The following INTS5 variants were observed in gnomAD, a reference collection of about 807,000 sequenced individuals.
INTS5 encodes KIAA1698.
Under a neutral mutation model 60.0 loss-of-function variants are expected in INTS5, and 29 were observed. The observed-to-expected ratio is 0.48, with a 90% confidence interval of 0.36 to 0.66. The LOEUF is 0.66. INTS5 is among the 30% of genes least tolerant of loss of function. The probability of loss-of-function intolerance (pLI) is 0.00; values close to 1 mark genes in which losing one functional copy is unlikely to be tolerated. For missense variants in INTS5, 1,129 were observed against 1,307.9 expected (o/e 0.86, Z 2.11); for synonymous variants, 588 against 558.8 (o/e 1.05, Z -0.74).
At chr11:62,651,255 C>T (rs940977158) in intron 1 of INTS5, among the ~76,000 whole-genome samples, 3 of 152,050 alleles carry the variant, frequency 2.0e-5, no homozygotes, top group African/African-American at 4.8e-5. Flanking sequence ...GGACTACAGG[C>T]GCCCGCCACC....
In INTS5 at chr11:62,647,042, G is replaced by C; in HGVS notation, c.3038C>G (p.Thr1013Ser). Residue 1013 changes from threonine to serine, a missense_variant, in exon 2 of 2, where the codon ACT becomes AGT. By Grantham distance (58) the Thr-to-Ser change is moderately conservative. Coordinates refer to ENST00000330574, the MANE Select transcript of INTS5 (RefSeq NM_030628.2). Reference protein sequence around the residue: ...SGRFQAPSPSTLLRQGT With the variant: ...SGRFQAPSPSSLLRQGT ...AGGCTACGTCCCCTGTCGAAGGAGA[G>C]TGGACGGTGAAGGTGCCTGGAAACG... 1 of 1,612,812 alleles carries C rather than the reference G, an allele frequency of 6.2e-7. No homozygotes were observed. The highest frequency in any genetic ancestry group is 8.5e-7 in the Non-Finnish European group (1 of 1,178,970).
In INTS5 at chr11:62,647,407, G is replaced by A; in HGVS notation, c.2673C>T (p.Ala891=). 6.2e-7 allele frequency: 1 copy of A among 1,611,746 alleles called. No homozygotes were observed. The highest frequency in any genetic ancestry group is 1.1e-5 in the South Asian group (1 of 90,982). The change falls in exon 2 of 2, where the codon GCC becomes GCT. Residue 891 remains alanine, a synonymous_variant. Coordinates refer to ENST00000330574, the MANE Select transcript of INTS5 (RefSeq NM_030628.2). ...LLAALLGHWE[A]SRHPDTTHSP... ...AGTGGGTCGTGTCAGGGTGGCGAGAGGCTTCCCAATGGCCCAAGAGGGCGG... is the reference window on the plus strand; with the variant it reads ...AGTGGGTCGTGTCAGGGTGGCGAGAAGCTTCCCAATGGCCCAAGAGGGCGG...
chr11:62,650,855 A>G (rs974856103), intron 1 of INTS5, among the ~76,000 whole-genome samples: 1 of 151,498 alleles, frequency 6.6e-6, no homozygotes, highest in Admixed American at 6.6e-5. Context: ...CTTCAAGCAC[A>G]TGCCACGACA....
chr11:62,649,265 GA>G lies in INTS5; in HGVS notation c.814del (p.Ser272LeufsTer24), dbSNP rs1565120101. 1 of 1,614,136 alleles carries G rather than the reference GA, an allele frequency of 6.2e-7. No individual in the cohort carries two copies. The highest frequency in any genetic ancestry group is 8.5e-7 in the Non-Finnish European group (1 of 1,180,014). ...AGGAGATCCAGGGAAGGGGTCTGTA[GA>G]GGGGGTCTGAGAAGAGCTTCCACCA... is the stretch of plus-strand genomic sequence containing the variant. ...SSGGSSSQTP[S>X]TDPFPGSPAI... On this transcript the variant is annotated frameshift_variant, in exon 2 of 2. Coordinates refer to ENST00000330574, the MANE Select transcript of INTS5 (RefSeq NM_030628.2). LOFTEE classifies it high-confidence loss of function. The surrounding 1 kb of genome is among the most constrained non-coding windows in gnomAD (Gnocchi z 6.0).
chr11:62,647,362 T>C lies in INTS5; in HGVS notation c.2718A>G (p.Ala906=). 4 of 1,613,604 alleles carry C rather than the reference T, an allele frequency of 2.5e-6. No homozygotes were observed. The highest frequency in any genetic ancestry group is 3.4e-6 in the Non-Finnish European group (4 of 1,179,884). The change falls in exon 2 of 2, where the codon GCA becomes GCG. Residue 906 remains alanine, a synonymous_variant. Transcript: ENST00000330574. ...DTTHSPWHLE[A]SCTLVAVMAE... ...CCATGACAGCCACTAAGGTGCAGGA[T>C]GCCTCCAGGTGCCAGGGGGAGTGGG... is the stretch of plus-strand genomic sequence containing the variant.
rs1025622977 is a variant in INTS5, at chr11:62,648,080, A to G, written c.2000T>C (p.Val667Ala). 6.2e-7 allele frequency: 1 copy of G among 1,614,026 alleles called. No individual in the cohort carries two copies. Among genetic ancestry groups the G allele is most frequent in the African/African-American group, 1.3e-5 (1 of 74,954 alleles). Reference sequence around the variant, plus strand: ...GGTGAGAAGCTGACAGGCTGAGGCCACACCTGGGGGTCCATGCAGCCTCAG... The same window carrying G: ...GGTGAGAAGCTGACAGGCTGAGGCCGCACCTGGGGGTCCATGCAGCCTCAG... ...ASLRLHGPPG[V>A]ASACQLLTRL... The change falls in exon 2 of 2, where the codon GTG becomes GCG. Residue 667 changes from valine (V) to alanine (A), a missense_variant. By Grantham distance (64) the Val-to-Ala change is moderately conservative (BLOSUM62 0). Around this residue, in one of 3 missense-constraint regions of INTS5, gnomAD observed 1,070 missense variants for 1,246.1 expected, o/e 0.86. Transcript: ENST00000330574. The surrounding 1 kb of genome is among the most constrained non-coding windows in gnomAD (Gnocchi z 4.4).
chr11:62,647,512 C>T lies in INTS5; in HGVS notation c.2568G>A (p.Leu856=). Residue 856 remains leucine (L), a synonymous_variant, in exon 2 of 2, where the codon CTG becomes CTA. Transcript: ENST00000330574. The part of the protein sequence containing the change: ...RIGRRFREQP[L]LFELLKLVAA... ...CTACCAGCTTTAACAGCTCAAAGAGCAGGGGCTGTTCGCGGAAGCGCCGGC... is the reference window on the plus strand; with the variant it reads ...CTACCAGCTTTAACAGCTCAAAGAGTAGGGGCTGTTCGCGGAAGCGCCGGC... 1 of 1,610,736 alleles carries T rather than the reference C, an allele frequency of 6.2e-7. No homozygotes were observed. The highest frequency in any genetic ancestry group is 8.5e-7 in the Non-Finnish European group (1 of 1,178,308).
In INTS5 at chr11:62,648,995, C is replaced by T; in HGVS notation, c.1085G>A (p.Cys362Tyr). 2 of 1,613,392 alleles carry T rather than the reference C, an allele frequency of 1.2e-6. No individual in the cohort carries two copies. Among genetic ancestry groups the T allele is most frequent in the Non-Finnish European group, 1.7e-6 (2 of 1,179,752 alleles). Residue 362 changes from cysteine (C) to tyrosine (Y), a missense_variant, in exon 2 of 2, where the codon TGC becomes TAC. Transcript: ENST00000330574. This position sits in a 1 kb window ranked among gnomAD's most constrained non-coding sequence, Gnocchi z 4.4. ...GCTCAGCACAGCTGGGGGCTTGAGG[C>T]AATCCACAAGCTCTCCAGAGACAGT... ...LGTVSGELVDCLKPPAVLSQL... is the reference protein window; with the variant it reads ...LGTVSGELVDYLKPPAVLSQL...
At position 62,646,927 on chromosome 11, in the gene INTS5, G is replaced by A; in HGVS notation, c.*93C>T. 1 of 1,086,238 alleles carries A rather than the reference G, an allele frequency of 9.2e-7. No homozygotes were observed. The highest frequency in any genetic ancestry group is 1.3e-6 in the Non-Finnish European group (1 of 745,948). 67.3% of individuals were successfully genotyped at this position (1,086,238 alleles called of 1,614,324 possible). ...AAGTGACAGCGCTCTTTAGACCAAG[G>A]ACTTAGAAGAGAAACCTCCACCCTT... On this transcript the variant is annotated 3_prime_UTR_variant, in exon 2 of 2. Transcript: ENST00000330574.
rs778139832 is a variant in INTS5, at chr11:62,649,064, G to A, written c.1016C>T (p.Pro339Leu). ...CATGACTGCCAGCTGCAGTAGGAAC[G>A]GAACCGTGGCCTGAAGGGAGGGGTC... Reference protein sequence around the residue: ...SGDPSLQATVPFLLQLAVMSP... With the variant: ...SGDPSLQATVLFLLQLAVMSP... Residue 339 changes from proline (P) to leucine (L), a missense_variant, in exon 2 of 2, where the codon CCG becomes CTG. Transcript: ENST00000330574. The surrounding 1 kb of genome is among the most constrained non-coding windows in gnomAD (Gnocchi z 6.0). 6.2e-6 allele frequency: 10 copies of A among 1,611,520 alleles called. No homozygotes were observed. The highest frequency in any genetic ancestry group is 1.1e-5 in the South Asian group (1 of 90,936).
chr11:62,649,054 C>A lies in INTS5; in HGVS notation c.1026G>T (p.Leu342=), dbSNP rs201998496. 1 of 1,611,946 alleles carries A rather than the reference C, an allele frequency of 6.2e-7. No individual in the cohort carries two copies. Among genetic ancestry groups the A allele is most frequent in the East Asian group, 2.2e-5 (1 of 44,814 alleles). Residue 342 remains leucine (L), a synonymous_variant, in exon 2 of 2, where the codon CTG becomes CTT. Coordinates refer to ENST00000330574, the MANE Select transcript of INTS5 (RefSeq NM_030628.2). The surrounding 1 kb of genome is among the most constrained non-coding windows in gnomAD (Gnocchi z 6.0). ...PSLQATVPFL[L]QLAVMSPALL... Reference sequence around the variant, plus strand: ...AAGCTGGTGACATGACTGCCAGCTGCAGTAGGAACGGAACCGTGGCCTGAA... The same window carrying A: ...AAGCTGGTGACATGACTGCCAGCTGAAGTAGGAACGGAACCGTGGCCTGAA...
At position 62,649,291 on chromosome 11, in the gene INTS5, A is replaced by G. The variant is rs767903894; in HGVS notation, c.789T>C (p.Ser263=). Reference sequence around the variant, plus strand: ...AGGGGGTCTGAGAAGAGCTTCCACCACTACTGCCAGCTCCACCTCCAGCCC... The same window carrying G: ...AGGGGGTCTGAGAAGAGCTTCCACCGCTACTGCCAGCTCCACCTCCAGCCC... ...HGGAGGGAGS[S]GGSSSQTPST... is the part of the protein sequence containing the mutation. Residue 263 remains serine, a synonymous_variant, in exon 2 of 2, where the codon AGT becomes AGC. Transcript: ENST00000330574. The surrounding 1 kb of genome is among the most constrained non-coding windows in gnomAD (Gnocchi z 6.0). The G allele has an allele frequency of 5.0e-6, 8 of 1,614,044 alleles. No individual in the cohort carries two copies. In the Admixed American group the frequency reaches 1.2e-4, roughly 24 times the overall value.
chr11:62,647,551 C>A lies in INTS5; in HGVS notation c.2529G>T (p.Arg843=), dbSNP rs1177951272. 1.2e-6 allele frequency: 2 copies of A among 1,613,656 alleles called. No individual in the cohort carries two copies. The highest frequency in any genetic ancestry group is 1.7e-6 in the Non-Finnish European group (2 of 1,179,936). ...GGAAGCGCCGGCCAATGCGGAGATC[C>A]CGCTCCACGGTGGCCCGGGCGTGTT... The part of the protein sequence containing the change: ...PEEHARATVE[R]DLRIGRRFRE... Residue 843 remains arginine, a synonymous_variant, in exon 2 of 2, where the codon CGG becomes CGT. Coordinates refer to ENST00000330574, the MANE Select transcript of INTS5 (RefSeq NM_030628.2).
rs2134582222 is a variant in INTS5 at position 62,649,928 on chromosome 11, G to A, written c.152C>T (p.Ser51Leu). Residue 51 changes from serine (S) to leucine (L), a missense_variant, in exon 2 of 2, where the codon TCA (serine) becomes TTA (leucine). Transcript: ENST00000330574. This position sits in a 1 kb window ranked among gnomAD's most constrained non-coding sequence, Gnocchi z 6.0. ...ACCACAGCGAGCATGTTCCCGGGCT[G>A]AGAGTTGGTGGCCCAGAATGGGGTC... ...GVDPILGHQL[S>L]AREHARCGLL... 2 of 1,614,182 alleles carry A rather than the reference G, an allele frequency of 1.2e-6. No homozygotes were observed. Among genetic ancestry groups the A allele is most frequent in the South Asian group, 1.1e-5 (1 of 91,088 alleles).
In INTS5 at chr11:62,646,879, A is replaced by G. The variant is rs1306128034; in HGVS notation, c.*141T>C. 4 of 750,616 alleles carry G rather than the reference A, an allele frequency of 5.3e-6. No homozygotes were observed. Among genetic ancestry groups the G allele is most frequent in the Non-Finnish European group, 8.4e-6 (4 of 477,626 alleles). The allele number at this position is 750,616 out of a possible 1,614,324, so 46.5% of individuals were successfully genotyped here. On this transcript the variant is annotated 3_prime_UTR_variant, in exon 2 of 2. Coordinates refer to ENST00000330574, the MANE Select transcript of INTS5 (RefSeq NM_030628.2). ...TCTCAAGTTGGCAAATTTTATTTAG[A>G]AAAAAAAAAGTGGGAGAGAAAAAAG...
In INTS5 at chr11:62,649,437, T is replaced by A; in HGVS notation, c.643A>T (p.Thr215Ser). Residue 215 changes from threonine to serine, a missense_variant, in exon 2 of 2, where the codon ACC (threonine) becomes TCC (serine). By Grantham distance (58) the Thr-to-Ser change is moderately conservative. Transcript: ENST00000330574. This position sits in a 1 kb window ranked among gnomAD's most constrained non-coding sequence, Gnocchi z 6.0. ...AAGTGTGGAGAATGCTGAACAGAGG[T>A]ATCCAGCAAGGCATCCACACACGCA... ...PDACVDALLDTSVQHSPHFDW... is the reference protein window; with the variant it reads ...PDACVDALLDSSVQHSPHFDW... The A allele has an allele frequency of 6.2e-7, 1 of 1,613,998 alleles. No individual in the cohort carries two copies. The highest frequency in any genetic ancestry group is 8.5e-7 in the Non-Finnish European group (1 of 1,180,004).
Position 62,646,897 on chromosome 11 carries a change from GAA to G in INTS5, c.*121_*122del. Reference sequence around the variant, plus strand: ...TATTTAGAAAAAAAAAAGTGGGAGAGAAAAAAGTGACAGCGCTCTTTAGACCA... The same window carrying G: ...TATTTAGAAAAAAAAAAGTGGGAGAGAAAAGTGACAGCGCTCTTTAGACCA... On this transcript the variant is annotated 3_prime_UTR_variant, in exon 2 of 2. Transcript: ENST00000330574. The G allele has an allele frequency of 1.1e-6, 1 of 904,338 alleles. No individual in the cohort carries two copies. Among genetic ancestry groups the G allele is most frequent in the South Asian group, 1.7e-5 (1 of 57,220 alleles). The allele number at this position is 904,338 out of a possible 1,614,324, so 56.0% of individuals were successfully genotyped here. A position where few individuals can be genotyped will look rare whatever the true frequency, so the allele number is the denominator to read the frequency against.
rs1361159549 is a variant in INTS5 at position 62,653,223 on chromosome 11, C to G, written c.27G>C (p.Gly9=). ...GGGCAGGCCCAGGTGGCCCTGGGGC[C>G]CCGGGAGGGTCGCACAGCGCGGACA... MSALCDPP[G]APGPPGPAPA... Residue 9 remains glycine, a synonymous_variant, in exon 1 of 2, where the codon GGG becomes GGC. Coordinates refer to ENST00000330574, the MANE Select transcript of INTS5 (RefSeq NM_030628.2). The G allele has an allele frequency of 8.0e-7, 1 of 1,246,420 alleles. No homozygotes were observed. Among genetic ancestry groups the G allele is most frequent in the Non-Finnish European group, 1.0e-6 (1 of 987,672 alleles). 77.2% of individuals were successfully genotyped at this position (1,246,420 alleles called of 1,614,324 possible).
chr11:62,651,226 T>A (rs1230570743), intron 1 of INTS5, among the ~76,000 whole-genome samples: 2 of 152,040 alleles, frequency 1.3e-5, no homozygotes, highest in Non-Finnish European at 2.9e-5. Flanking sequence ...TTCTCCTGCC[T>A]CAGCCTCCTG....
Sources: allele counts gnomAD v4.1 joint callset (sites outside exome capture counted in the v4.1 genomes callset), GRCh38; gene constraint gnomAD v4.1.1; regional missense constraint gnomAD v4.1.1; non-coding constraint Gnocchi (gnomAD v3.1); transcripts MANE v1.5; gene names NCBI Gene and HGNC (gene_info 2026-07-23, HGNC 2026-07-21).